The following LRP6 variants were observed in gnomAD, a reference collection of about 807,000 sequenced individuals.
The protein encoded by LRP6 is low-density lipoprotein receptor-related protein 6.
In LRP6, 43 loss-of-function variants were observed where a neutral mutation model predicts 184.1. That is an observed-to-expected ratio of 0.23 (90% CI 0.18 to 0.30). The LOEUF (loss-of-function observed/expected upper bound fraction) is 0.30. Among genes scored for constraint, LRP6 ranks in the 10% least tolerant of loss-of-function variants. The probability of loss-of-function intolerance (pLI) is 1.00; values close to 1 mark genes in which losing one functional copy is unlikely to be tolerated. For missense variants in LRP6, 1,571 were observed against 2,005.3 expected, an observed-to-expected ratio of 0.78 and a Z score of 4.14; for synonymous variants, 719 against 684.9, an observed-to-expected ratio of 1.05 and a Z score of -0.78.
intron 3 of LRP6, among the ~76,000 whole-genome samples, chr12:12,194,126 C>G (rs775335809): frequency 6.6e-6 from 1 of 151,820 alleles, no homozygotes. Flanking sequence ...GAAAAAGGAA[C>G]GGACAAAATC....
At chr12:12,235,943 C>T (rs888096566) in intron 2 of LRP6, among the ~76,000 whole-genome samples, 1 of 151,970 alleles carries the variant, frequency 6.6e-6, no homozygotes, top group South Asian at 2.1e-4. Flanking sequence ...ACAATGAGGG[C>T]GGCTGGACGC....
chr12:12,266,809 C>A lies in LRP6; in HGVS notation c.-74G>T. ...TGGGGGAGGCGAGGAGCCGGGGCGG[C>A]CGCCGCAGCGGCAGGGCTGCACGCT... On this transcript the variant is annotated 5_prime_UTR_variant, in exon 1 of 23. Coordinates refer to ENST00000261349, the MANE Select transcript of LRP6 (RefSeq NM_002336.3). The A allele has an allele frequency of 1.0e-5, 13 of 1,254,926 alleles. No individual in the cohort carries two copies. Among genetic ancestry groups the A allele is most frequent in the Non-Finnish European group, 1.5e-5 (13 of 868,698 alleles). The allele number at this position is 1,254,926 out of a possible 1,614,324, so 77.7% of individuals were successfully genotyped here. A position where few individuals can be genotyped will look rare whatever the true frequency, so the allele number is the denominator to read the frequency against.
intron 2 of LRP6, among the ~76,000 whole-genome samples, chr12:12,207,448 C>T (rs577156201): frequency 1.1e-4 from 16 of 152,082 alleles, no homozygotes; most frequent in Non-Finnish European, 1.5e-4. Flanking sequence ...GCAGGGGAAT[C>T]GCCTGAACCT....
At chr12:12,213,795 A>C (rs558713925) in intron 2 of LRP6, among the ~76,000 whole-genome samples, 3 of 151,170 alleles carry the variant, frequency 2.0e-5, no homozygotes, top group African/African-American at 7.3e-5. Flanking sequence ...GTATTTTCCT[A>C]ATCTACTTGT....
chr12:12,161,667 C>T (rs866495885), intron 10 of LRP6, among the ~76,000 whole-genome samples: 41 of 152,298 alleles, frequency 2.7e-4, no homozygotes, highest in Middle Eastern at 3.4e-3. Context: ...AAGGAACACT[C>T]GCCCTTGAAA....
chr12:12,141,452 A>G (rs1478086018), intron 15 of LRP6, among the ~76,000 whole-genome samples: 1 of 152,190 alleles, frequency 6.6e-6, no homozygotes, highest in Non-Finnish European at 1.5e-5. Flanking sequence ...CAAATTATCA[A>G]CCAAGTGTGA....
At chr12:12,219,397 G>A (rs1448897312) in intron 2 of LRP6, among the ~76,000 whole-genome samples, 7 of 152,058 alleles carry the variant, frequency 4.6e-5, no homozygotes, top group Admixed American at 2.6e-4. Flanking sequence ...GTAGAGATGA[G>A]GTTTCCCATG....
At chr12:12,213,213 T>G (rs1329644058) in intron 2 of LRP6, among the ~76,000 whole-genome samples, 2 of 152,162 alleles carry the variant, frequency 1.3e-5, no homozygotes, top group African/African-American at 4.8e-5. Flanking sequence ...GGTATGTATA[T>G]TTTCACTCCT....
rs1865131836 is a variant in LRP6, at chr12:12,244,205, A to G, written c.449+57T>C. On this transcript the variant is annotated intron_variant, in intron 2 of 22. Transcript: ENST00000261349. ...CATAGGGGTCAGGGTGGTGTATGTC[A>G]GTGGAGAAAAACCGAAAGGAGGTAT... 5 of 1,558,790 alleles carry G rather than the reference A, an allele frequency of 3.2e-6. No homozygotes were observed. In the Middle Eastern group the frequency reaches 8.9e-4, roughly 279 times the overall value.
rs1288419914 is a variant in LRP6, at chr12:12,126,715, T to C, written c.4288A>G (p.Ser1430Gly). ...CCTGGAAGAGATCCTGACAAAGAAC[T>C]TGGGTGTGGCACATAACCAAGAGGC... ...SVPLGYVPHP[S>G]SLSGSLPGMS... is the part of the protein sequence containing the mutation. Residue 1430 changes from serine (S) to glycine (G), a missense_variant, in exon 20 of 23, where the codon AGT becomes GGT. Physicochemically the swap from Ser to Gly is moderately conservative, Grantham distance 56. Coordinates refer to ENST00000261349, the MANE Select transcript of LRP6 (RefSeq NM_002336.3). 1 of 1,614,100 alleles carries C rather than the reference T, an allele frequency of 6.2e-7. No homozygotes were observed. Among genetic ancestry groups the C allele is most frequent in the Non-Finnish European group, 8.5e-7 (1 of 1,179,962 alleles).
chr12:12,243,714 A>T (rs1405296029), intron 2 of LRP6, among the ~76,000 whole-genome samples: 1 of 152,180 alleles, frequency 6.6e-6, no homozygotes, highest in Non-Finnish European at 1.5e-5. Flanking sequence ...CCAGGGGTTC[A>T]AGACCAGCCT....
At chr12:12,249,425 A>G in intron 1 of LRP6, 1 of 785,658 alleles carries the variant, frequency 1.3e-6, no homozygotes, top group Non-Finnish European at 2.2e-6. Context: ...GTGTTACAGC[A>G]ACTAATCGAA....
chr12:12,187,394 G>C, intron 3 of LRP6: 1 of 452,260 alleles, frequency 2.2e-6, no homozygotes, highest in Non-Finnish European at 4.1e-6. Context: ...CAGAGAGAGA[G>C]CACTGCTTTT....
chr12:12,133,611 T>C (rs1949787598), intron 17 of LRP6, among the ~76,000 whole-genome samples: 1 of 152,128 alleles, frequency 6.6e-6, no homozygotes, highest in African/African-American at 2.4e-5. Context: ...AATGCAAGAA[T>C]GGCCTAATAC....
At chr12:12,143,455 C>T (rs1949961704) in intron 15 of LRP6, among the ~76,000 whole-genome samples, 1 of 152,056 alleles carries the variant, frequency 6.6e-6, no homozygotes, top group Admixed American at 6.6e-5. Context: ...TAACAATAGC[C>T]AAGGTAATCC....
At chr12:12,142,458 G>GC (rs1370966394) in intron 15 of LRP6, among the ~76,000 whole-genome samples, 2 of 152,030 alleles carry the variant, frequency 1.3e-5, no homozygotes, top group African/African-American at 4.8e-5. Flanking sequence ...TGCACTGGAT[G>GC]CAATTCGCTA....
chr12:12,171,400 T>C (rs1181081262), intron 7 of LRP6, among the ~76,000 whole-genome samples: 1 of 151,828 alleles, frequency 6.6e-6, no homozygotes. Context: ...CGGGTGCCCG[T>C]AGTCCCAGCT....
At chr12:12,172,804 C>T (rs1356602350) in intron 7 of LRP6, among the ~76,000 whole-genome samples, 1 of 152,144 alleles carries the variant, frequency 6.6e-6, no homozygotes, top group Admixed American at 6.5e-5. Context: ...CCAAATCTCA[C>T]TGAGATGACA....
intron 1 of LRP6, among the ~76,000 whole-genome samples, chr12:12,262,054 C>T (rs1865629294): frequency 6.6e-6 from 1 of 152,076 alleles, no homozygotes; most frequent in African/African-American, 2.4e-5. Flanking sequence ...ACCAGCCTGA[C>T]CAATATGGTG....
Sources: allele counts gnomAD v4.1 joint callset (sites outside exome capture counted in the v4.1 genomes callset), GRCh38; gene constraint gnomAD v4.1.1; transcripts MANE v1.5; gene names NCBI Gene and HGNC (gene_info 2026-07-23, HGNC 2026-07-21).